XYLT1: variants seen among roughly 807,000 people sequenced by gnomAD.
XYLT1 encodes beta-D-xylosyltransferase 1.
XYLT1 carries 36 observed loss-of-function variants against 91.3 expected under a neutral mutation model. The observed-to-expected ratio is 0.39, with a 90% CI of 0.30 to 0.52. The LOEUF is 0.52. Among genes scored for constraint, XYLT1 ranks in the 20% least tolerant of loss-of-function variants. The pLI, the probability that XYLT1 is intolerant of heterozygous loss-of-function variation, is 0.68. For synonymous variants in XYLT1, 588 were observed against 532.0 expected (o/e 1.11, Z -1.45); for missense variants, 1,242 against 1,284.5 (o/e 0.97, Z 0.51).
chr16:17,399,842 A>T (rs1161514870), intron 1 of XYLT1, among the ~76,000 whole-genome samples: 2 of 152,072 alleles, frequency 1.3e-5, no homozygotes, highest in African/African-American at 2.4e-5. Context: ...CCATTGACAG[A>T]GTCTCTTTGG....
rs1296575118 is a variant in XYLT1, at chr16:17,103,680, T to C, written c.*5015A>G. The stretch of plus-strand genomic sequence containing the variant: ...ACATGAGGGATGGAGTAGATGACGT[T>C]AGGGAGGGGGATGACAAGGTGCAGA... On this transcript the variant is annotated 3_prime_UTR_variant, in exon 12 of 12. Coordinates refer to ENST00000261381, the MANE Select transcript of XYLT1 (RefSeq NM_022166.4). 2 of 152,134 alleles carry C rather than the reference T, an allele frequency of 1.3e-5. No homozygotes were observed. Among genetic ancestry groups the C allele is most frequent in the East Asian group, 3.9e-4 (2 of 5,162 alleles). 9.4% of individuals were successfully genotyped at this position (152,134 alleles called of 1,614,324 possible).
At chr16:17,334,796 T>G (rs561567202) in intron 2 of XYLT1, among the ~76,000 whole-genome samples, 1 of 152,046 alleles carries the variant, frequency 6.6e-6, no homozygotes, top group South Asian at 2.1e-4. Context: ...GGCAGGAGAA[T>G]GGCGTGAACC....
At chr16:17,389,149 G>A (rs908700612) in intron 1 of XYLT1, among the ~76,000 whole-genome samples, 3 of 152,208 alleles carry the variant, frequency 2.0e-5, no homozygotes, top group Admixed American at 6.5e-5. Context: ...AGGAGCACAG[G>A]GCTCAAGTAA....
intron 1 of XYLT1, among the ~76,000 whole-genome samples, chr16:17,449,890 A>G (rs1364319): frequency 0.34 from 51,177 of 152,090 alleles, 9,902 homozygotes; most frequent in African/African-American, 0.52. Flanking sequence ...CTCACTTTTA[A>G]GACATCTCAT....
intron 2 of XYLT1, among the ~76,000 whole-genome samples, chr16:17,293,716 T>C (rs1469034645): frequency 6.6e-6 from 1 of 152,096 alleles, no homozygotes; most frequent in African/African-American, 2.4e-5. Flanking sequence ...CTTGAACTCC[T>C]GAGCTCAAGT....
intron 5 of XYLT1, among the ~76,000 whole-genome samples, chr16:17,183,033 C>T (rs1282329357): frequency 6.6e-6 from 1 of 152,158 alleles, no homozygotes; most frequent in Non-Finnish European, 1.5e-5. Flanking sequence ...CTTGGGTGAT[C>T]GGCTTTCCCT....
intron 1 of XYLT1, among the ~76,000 whole-genome samples, chr16:17,376,458 GGGT>G (rs1348657029): frequency 3.3e-5 from 5 of 152,294 alleles, no homozygotes; most frequent in Admixed American, 2.0e-4. Context: ...TCAAGAGGAT[GGGT>G]GATGTCTCTT....
chr16:17,467,794 C>G (rs1483154739), intron 1 of XYLT1, among the ~76,000 whole-genome samples: 9 of 152,184 alleles, frequency 5.9e-5, no homozygotes, highest in African/African-American at 2.2e-4. Context: ...ACACACCCAC[C>G]AGCAACCCAG....
At chr16:17,220,747 A>G (rs1213035752) in intron 3 of XYLT1, among the ~76,000 whole-genome samples, 2 of 152,214 alleles carry the variant, frequency 1.3e-5, no homozygotes, top group East Asian at 3.9e-4. Flanking sequence ...TGTTGGGATA[A>G]CAGGTGTGAG....
At chr16:17,400,218 C>T (rs973881198) in intron 1 of XYLT1, among the ~76,000 whole-genome samples, 26 of 152,318 alleles carry the variant, frequency 1.7e-4, no homozygotes, top group African/African-American at 6.3e-4. Flanking sequence ...GTGCAGCTGA[C>T]CCTGTGCCTG....
intron 2 of XYLT1, among the ~76,000 whole-genome samples, chr16:17,289,796 A>G (rs1438709906): frequency 2.0e-5 from 3 of 152,256 alleles, no homozygotes. Flanking sequence ...TGCAAACAAA[A>G]CAAAACCCCA....
Position 17,141,261 on chromosome 16 carries a change from C to T in XYLT1, c.1479G>A (p.Ser493=), listed in dbSNP as rs758599112. Residue 493 remains serine, a synonymous_variant, in exon 7 of 12, where the codon TCG becomes TCA. Coordinates refer to ENST00000261381, the MANE Select transcript of XYLT1 (RefSeq NM_022166.4). ...ACCTCCGGTTCAGCAGGAACCAGTC[C>T]GAACCGCCATCCACGGCAATGCCCT... ...IPEGIAVDGG[S]DWFLLNRRFV... is the part of the protein sequence containing the mutation. 27 of 1,614,150 alleles carry T rather than the reference C, an allele frequency of 1.7e-5. No homozygotes were observed. Among genetic ancestry groups the T allele is most frequent in the South Asian group, 9.9e-5 (9 of 91,078 alleles).
chr16:17,195,495 G>A (rs1336033952), intron 5 of XYLT1, among the ~76,000 whole-genome samples: 7 of 151,938 alleles, frequency 4.6e-5, no homozygotes, highest in African/African-American at 1.5e-4. Context: ...CGCCAGGCTG[G>A]AGTACAGTGG....
At chr16:17,396,590 G>C (rs1423294101) in intron 1 of XYLT1, among the ~76,000 whole-genome samples, 1 of 152,176 alleles carries the variant, frequency 6.6e-6, no homozygotes, top group African/African-American at 2.4e-5. Context: ...AGCTATCTAG[G>C]CTGGGCGCGG....
rs1023229531 is a variant in XYLT1, at chr16:17,143,517, C to T, written c.1371-2148G>A. On this transcript the variant is annotated intron_variant, in intron 6 of 11. Transcript: ENST00000261381. ...GGATTTTTCAAGCCCTTATGAATAA[C>T]TCTATTGTATGAATGCTTCTCCACA... is the stretch of plus-strand genomic sequence containing the variant. Among the ~76,000 whole-genome samples the T allele has an allele frequency of 3.3e-5, 5 of 152,098 alleles. No homozygotes were observed. The East Asian group carries it at 9.7e-4, about 29-fold the overall frequency.
chr16:17,132,363 CTTTG>C (rs1567286835), intron 9 of XYLT1, among the ~76,000 whole-genome samples: 1 of 148,340 alleles, frequency 6.7e-6, no homozygotes, highest in East Asian at 1.9e-4. Flanking sequence ...CCTTGGATGG[CTTTG>C]TTGACTTGAG....
intron 1 of XYLT1, among the ~76,000 whole-genome samples, chr16:17,369,118 A>T (rs1475614030): frequency 6.7e-6 from 1 of 148,566 alleles, no homozygotes; most frequent in African/African-American, 2.5e-5. Flanking sequence ...TGCATGGTGC[A>T]CAAAAATACT....
chr16:17,327,055 A>G (rs1232954063), intron 2 of XYLT1, among the ~76,000 whole-genome samples: 1 of 152,210 alleles, frequency 6.6e-6, no homozygotes, highest in Non-Finnish European at 1.5e-5. Flanking sequence ...TCAGTTATAC[A>G]ATAGACAAGT....
chr16:17,468,967 T>C (rs1046170661), intron 1 of XYLT1, among the ~76,000 whole-genome samples: 1 of 152,142 alleles, frequency 6.6e-6, no homozygotes, highest in Non-Finnish European at 1.5e-5. Flanking sequence ...AGTACCCCTC[T>C]CTGTAAAGAA....
Sources: gnomAD v4.1 joint callset for allele counts (sites outside exome capture counted in the v4.1 genomes callset) on GRCh38, gnomAD v4.1.1 for gene constraint, MANE v1.5 for transcripts, NCBI Gene and HGNC (gene_info 2026-07-23, HGNC 2026-07-21) for gene names.